Variants in ATP10D observed in about 807,000 individuals in gnomAD.
ATP10D encodes phospholipid-transporting ATPase VD.
ATP10D carries 89 observed loss-of-function variants against 144.8 expected under a neutral mutation model. The observed-to-expected ratio is 0.61, with a 90% CI of 0.52 to 0.73. The LOEUF (loss-of-function observed/expected upper bound fraction) is 0.73, where lower values mean the gene tolerates loss of function less well. Ranked by LOEUF, ATP10D falls within the 30% of genes least tolerant of loss-of-function variation. ATP10D has a pLI of 0.00. For missense variants in ATP10D, 1,603 were observed against 1,714.8 expected, an observed-to-expected ratio of 0.93 and a Z score of 1.15; for synonymous variants, 571 against 615.1, an observed-to-expected ratio of 0.93 and a Z score of 1.06.
chr4:47,531,024 G>C (rs1414873799), intron 5 of ATP10D, among the ~76,000 whole-genome samples: 1 of 152,130 alleles, frequency 6.6e-6, no homozygotes, highest in Non-Finnish European at 1.5e-5. Context: ...GAATGAGTTA[G>C]GGAGCCCCTA....
intron 1 of ATP10D, among the ~76,000 whole-genome samples, chr4:47,509,489 G>A (rs1449238095): frequency 6.6e-6 from 1 of 152,084 alleles, no homozygotes; most frequent in African/African-American, 2.4e-5. Context: ...GATGTATTGT[G>A]GAATGGCTAG....
intron 20 of ATP10D, among the ~76,000 whole-genome samples, chr4:47,581,405 G>T (rs1000303556): frequency 2.0e-5 from 3 of 152,108 alleles, no homozygotes; most frequent in Non-Finnish European, 2.9e-5. Context: ...TTTCTAAATT[G>T]ACAATTTTTA....
intron 7 of ATP10D, 140 bp from the exon 8 acceptor site, chr4:47,536,297 A>G (rs1358327345): frequency 8.3e-7 from 1 of 1,198,604 alleles, no homozygotes; most frequent in Non-Finnish European, 1.2e-6. Flanking sequence ...AGCCTTTTGA[A>G]TTTGAATTTT....
At chr4:47,536,632 C>G (rs1717864230) in intron 8 of ATP10D, 54 bp from the exon 9 acceptor site, 1 of 1,599,316 alleles carries the variant, frequency 6.3e-7, no homozygotes, top group African/African-American at 1.4e-5. Context: ...TGTTCAGTTT[C>G]ACATCCTTTT....
intron 1 of ATP10D, among the ~76,000 whole-genome samples, chr4:47,509,788 A>G (rs1262664940): frequency 6.6e-6 from 1 of 152,172 alleles, no homozygotes; most frequent in African/African-American, 2.4e-5. Flanking sequence ...CACTATCAGT[A>G]TCTTTTTACC....
intron 5 of ATP10D, among the ~76,000 whole-genome samples, chr4:47,526,569 A>C (rs552929377): frequency 6.6e-6 from 1 of 152,330 alleles, no homozygotes; most frequent in Admixed American, 6.5e-5. Flanking sequence ...ATCAAACAAG[A>C]AAGAAGTAAA....
At chr4:47,520,413 T>C (rs1241794444) in intron 3 of ATP10D, among the ~76,000 whole-genome samples, 1 of 152,176 alleles carries the variant, frequency 6.6e-6, no homozygotes, top group African/African-American at 2.4e-5. Flanking sequence ...CCTTGCCTTC[T>C]GCATTGGCTT....
At position 47,525,453 on chromosome 4, in the gene ATP10D, A is replaced by G. The variant is rs76281795; in HGVS notation, c.691-104A>G. On this transcript the variant is annotated intron_variant, in intron 4 of 22. Coordinates refer to ENST00000273859, the MANE Select transcript of ATP10D (RefSeq NM_020453.4). ...AATTCATGATATGAACTTCATTGCAAAAAGGCTTAGCATTATTTTAAGAAT... is the reference window on the plus strand; with the variant it reads ...AATTCATGATATGAACTTCATTGCAGAAAGGCTTAGCATTATTTTAAGAAT... 8.9e-3 allele frequency: 7,233 copies of G among 813,624 alleles called. 373 individuals are homozygous for G. The African/African-American group carries it at 0.11, about 13-fold the overall frequency. The allele number at this position is 813,624 out of a possible 1,614,324, so 50.4% of individuals were successfully genotyped here. A position where few individuals can be genotyped will look rare whatever the true frequency, so the allele number is the denominator to read the frequency against.
chr4:47,513,326 CT>C lies in ATP10D; in HGVS notation c.290+497del, dbSNP rs2109401280. 2.0e-5 allele frequency among the ~76,000 whole-genome samples: 3 copies of C among 152,286 alleles called. No individual in the cohort carries two copies. The East Asian group carries it at 5.8e-4, about 29-fold the overall frequency. ...GGACAATCTCCTGTGAGTTTAGGCA[CT>C]GAAGGAAATGGAAGTGTGAGTGCCA... On this transcript the variant is annotated intron_variant, in intron 2 of 22. Coordinates refer to ENST00000273859, the MANE Select transcript of ATP10D (RefSeq NM_020453.4).
At chr4:47,548,819 T>C (rs1718573614) in intron 10 of ATP10D, among the ~76,000 whole-genome samples, 1 of 152,244 alleles carries the variant, frequency 6.6e-6, no homozygotes, top group African/African-American at 2.4e-5. Context: ...TGATTTTATC[T>C]TTTTGAAGAC....
In ATP10D at chr4:47,523,184, CAG is replaced by C. The variant is rs1276442503; in HGVS notation, c.661_662del (p.Arg221AlafsTer12). ...TCTTGATGGAGAGAGCAATTTAAAA[CAG>C]AGGCAGGTGGTTCGGGGATATGCAG... is the stretch of plus-strand genomic sequence containing the variant. ...SGLDGESNLK[Q>X]RQVVRGYAEQ... On this transcript the variant is annotated frameshift_variant, in exon 4 of 23. Transcript: ENST00000273859. LOFTEE classifies it high-confidence loss of function. 2 of 1,614,070 alleles carry C rather than the reference CAG, an allele frequency of 1.2e-6. No individual in the cohort carries two copies. Among genetic ancestry groups the C allele is most frequent in the Admixed American group, 3.3e-5 (2 of 60,024 alleles).
chr4:47,517,495 A>G (rs919927817), intron 3 of ATP10D, among the ~76,000 whole-genome samples: 1 of 152,216 alleles, frequency 6.6e-6, no homozygotes, highest in Admixed American at 6.5e-5. Context: ...AGGTTGTTCT[A>G]CAACATTTAA....
At chr4:47,496,671 C>CT (rs1205506735) in intron 1 of ATP10D, among the ~76,000 whole-genome samples, 1 of 152,066 alleles carries the variant, frequency 6.6e-6, no homozygotes, top group African/African-American at 2.4e-5. Context: ...AATGCTAACT[C>CT]TGTCTTAAAT....
At chr4:47,535,803 G>A (rs1717815475) in intron 6 of ATP10D, 99 bp from the exon 7 acceptor site, 1 of 1,399,470 alleles carries the variant, frequency 7.1e-7, no homozygotes, top group Admixed American at 2.5e-5. Context: ...TCATGTAACT[G>A]TGTTTTATTA....
At chr4:47,555,547 G>A (rs1282341172) in intron 11 of ATP10D, among the ~76,000 whole-genome samples, 2 of 152,106 alleles carry the variant, frequency 1.3e-5, no homozygotes, top group African/African-American at 4.8e-5. Context: ...TTGTTGGGGA[G>A]GTGGGATTTG....
intron 5 of ATP10D, among the ~76,000 whole-genome samples, chr4:47,527,200 G>T (rs62297976): frequency 1.3e-5 from 2 of 152,024 alleles, no homozygotes. Context: ...ACACATAGAT[G>T]GAGAAAGGTT....
chr4:47,503,931 A>T (rs1024844088), intron 1 of ATP10D, among the ~76,000 whole-genome samples: 2 of 151,714 alleles, frequency 1.3e-5, no homozygotes, highest in Admixed American at 1.3e-4. Flanking sequence ...AAAATAAAAT[A>T]AAATAAAATT....
rs2109434899 is a variant in ATP10D, at chr4:47,546,622, A to G, written c.1397-2A>G. On this transcript the variant is annotated splice_acceptor_variant, in intron 9 of 22. Transcript: ENST00000273859. LOFTEE classifies it high-confidence loss of function. ...TGACTCAGTGTGCTTTTTATCCCAC[A>G]GCCAGGAGGTTGGAGTCCTATCAGG... The G allele has an allele frequency of 6.2e-7, 1 of 1,613,638 alleles. No individual in the cohort carries two copies. The highest frequency in any genetic ancestry group is 1.3e-5 in the African/African-American group (1 of 75,040).
chr4:47,487,699 A>G (rs571618267), intron 1 of ATP10D, among the ~76,000 whole-genome samples: 30 of 152,358 alleles, frequency 2.0e-4, no homozygotes, highest in Non-Finnish European at 3.4e-4. Flanking sequence ...TAGAAACAAT[A>G]CTTTTTTATC....
Sources: gnomAD v4.1 joint callset for allele counts (sites outside exome capture counted in the v4.1 genomes callset) on GRCh38, gnomAD v4.1.1 for gene constraint, MANE v1.5 for transcripts, NCBI Gene and HGNC (gene_info 2026-07-23, HGNC 2026-07-21) for gene names.